The following NUP210L variants were observed in gnomAD, a reference collection of about 807,000 sequenced individuals.
The protein encoded by NUP210L is nucleoporin 210 like, also known as nuclear pore membrane glycoprotein 210-like.
NUP210L carries 74 observed loss-of-function variants against 208.5 expected under a neutral mutation model. That is an observed-to-expected ratio of 0.35 (90% confidence interval 0.29 to 0.43). The LOEUF is 0.43. NUP210L is among the 20% of genes least tolerant of loss of function. The pLI is 1.00. For synonymous variants in NUP210L, 780 were observed against 816.9 expected (o/e 0.95, Z 0.77); for missense variants, 1,843 against 2,289.4 (o/e 0.81, Z 3.98).
intron 1 of NUP210L, 93 bp downstream of exon 1, chr1:154,154,739 GCGGCCCCACA>G: frequency 1.1e-6 from 1 of 925,880 alleles, no homozygotes; most frequent in Non-Finnish European, 1.7e-6. Context: ...GCCCCTTCAC[GCGGCCCCACA>G]CGGTATTCCT....
chr1:154,066,641 T>C (rs1427876844), intron 17 of NUP210L, among the ~76,000 whole-genome samples: 1 of 151,890 alleles, frequency 6.6e-6, no homozygotes, highest in Admixed American at 6.6e-5. Flanking sequence ...AAAAAATCAA[T>C]GAATCCAGGA....
chr1:154,054,245 C>A (rs1255942274), exon 25 of NUP210L: 2 of 1,614,154 alleles, frequency 1.2e-6, no homozygotes, highest in East Asian at 4.5e-5. Context: ...AACACAATGA[C>A]TTTGCCAGTA....
chr1:154,132,094 ACTGTGCCCAT>A (rs1658291159), intron 7 of NUP210L, among the ~76,000 whole-genome samples: 1 of 152,232 alleles, frequency 6.6e-6, no homozygotes, highest in Admixed American at 6.5e-5. Context: ...GGCATGAGCC[ACTGTGCCCAT>A]CCTTGGTTTT....
At chr1:154,104,304 A>G (rs1656634856) in intron 12 of NUP210L, 94 bp from the exon 13 acceptor site, 2 of 926,490 alleles carry the variant, frequency 2.2e-6, no homozygotes, top group Admixed American at 3.7e-5. Flanking sequence ...CCCTCCAGTG[A>G]TTGTCCTCCC....
chr1:154,092,106 C>T (rs111849902), intron 15 of NUP210L, among the ~76,000 whole-genome samples: 43 of 138,874 alleles, frequency 3.1e-4, no homozygotes, highest in Non-Finnish European at 3.9e-4. Flanking sequence ...GACGGAGTCT[C>T]GCTCTGTCGC....
intron 31 of NUP210L, among the ~76,000 whole-genome samples, 154 bp from the exon 32 acceptor site, chr1:154,022,497 T>C (rs572909993): frequency 2.0e-5 from 3 of 151,584 alleles, no homozygotes; most frequent in Non-Finnish European, 4.4e-5. Context: ...CAAGGATCAG[T>C]CTATTACCTT....
chr1:154,068,774 A>G (rs1654542798), intron 17 of NUP210L, among the ~76,000 whole-genome samples: 2 of 150,708 alleles, frequency 1.3e-5, no homozygotes, highest in South Asian at 4.3e-4. Context: ...GAATTGAACA[A>G]TGAGAACACA....
chr1:154,000,551 T>A (rs1239488421), intron 37 of NUP210L, among the ~76,000 whole-genome samples: 1 of 152,244 alleles, frequency 6.6e-6, no homozygotes, highest in Non-Finnish European at 1.5e-5. Context: ...TTGATACCAG[T>A]TGATTTGATA....
rs1656629713 is a variant in NUP210L at position 154,104,222 on chromosome 1, A to T, written c.1621-12T>A. ...TTCAGGACATGTATCTGGAGGGGAAAAATTCATCTTTCAAGAAAGTTATGT... is the reference window on the plus strand; with the variant it reads ...TTCAGGACATGTATCTGGAGGGGAATAATTCATCTTTCAAGAAAGTTATGT... On this transcript the variant is annotated splice_polypyrimidine_tract_variant and intron_variant, in intron 12 of 39. Coordinates refer to ENST00000368559, the Ensembl canonical transcript of NUP210L. 1.2e-6 allele frequency: 2 copies of T among 1,609,348 alleles called. No homozygotes were observed. The highest frequency in any genetic ancestry group is 2.7e-5 in the African/African-American group (2 of 74,716).
At chr1:154,118,851 C>A in intron 10 of NUP210L, 43 bp from the exon 11 acceptor site, 9 of 1,268,600 alleles carry the variant, frequency 7.1e-6, no homozygotes, top group Non-Finnish European at 8.9e-6. Context: ...TTTATAAGGA[C>A]TATTCTTATA....
At chr1:154,060,419 A>G (rs1654074130) in intron 20 of NUP210L, 121 bp downstream of exon 20, 4 of 663,066 alleles carry the variant, frequency 6.0e-6, no homozygotes, top group Non-Finnish European at 1.0e-5. Context: ...ATATAGGTTA[A>G]AGAAAGAAAG....
At chr1:154,038,519 T>C (rs1443473798) in intron 27 of NUP210L, among the ~76,000 whole-genome samples, 1 of 151,768 alleles carries the variant, frequency 6.6e-6, no homozygotes, top group Admixed American at 6.6e-5. Flanking sequence ...ATTTTTGTAT[T>C]TTTTTAGTAG....
intron 17 of NUP210L, among the ~76,000 whole-genome samples, chr1:154,070,045 C>T (rs182167123): frequency 1.3e-5 from 2 of 152,154 alleles, no homozygotes; most frequent in East Asian, 3.9e-4. Context: ...ACACCAGGGC[C>T]TATCATGGGG....
chr1:154,125,831 G>C (rs1217611032), intron 10 of NUP210L, among the ~76,000 whole-genome samples: 2 of 130,144 alleles, frequency 1.5e-5, no homozygotes, highest in African/African-American at 5.6e-5. Context: ...GCAGTGGCGG[G>C]ATCTCGGCTC....
chr1:154,053,015 C>T (rs1040197803), intron 25 of NUP210L, among the ~76,000 whole-genome samples: 22 of 152,166 alleles, frequency 1.4e-4, no homozygotes, highest in Admixed American at 3.9e-4. Context: ...TGATATGGCC[C>T]GCTCTAGGGG....
intron 17 of NUP210L, among the ~76,000 whole-genome samples, chr1:154,067,614 G>T (rs1181003993): frequency 3.3e-5 from 5 of 152,234 alleles, no homozygotes; most frequent in Middle Eastern, 3.4e-3. Context: ...GCAAGAGAAA[G>T]AAATAAAGGA....
intron 17 of NUP210L, among the ~76,000 whole-genome samples, chr1:154,066,080 G>A (rs562151845): frequency 1.6e-4 from 24 of 152,108 alleles, no homozygotes; most frequent in African/African-American, 5.8e-4. Context: ...AAATCAATGA[G>A]AACAAAGACA....
At position 153,995,191 on chromosome 1, in the gene NUP210L, G is replaced by A. The variant is rs1373966517; in HGVS notation, c.5387-11C>T. 6.3e-7 allele frequency: 1 copy of A among 1,583,848 alleles called. No individual in the cohort carries two copies. The highest frequency in any genetic ancestry group is 8.6e-7 in the Non-Finnish European group (1 of 1,156,224). On this transcript the variant is annotated splice_polypyrimidine_tract_variant and intron_variant, in intron 37 of 39. Transcript: ENST00000368559. ...AATCTTCACAGTGATCTATACATTGGCCATAACAAAACAAGATAATAGTTA... is the reference window on the plus strand; with the variant it reads ...AATCTTCACAGTGATCTATACATTGACCATAACAAAACAAGATAATAGTTA...
At chr1:154,092,044 A>C (rs1435917199) in intron 15 of NUP210L, among the ~76,000 whole-genome samples, 1 of 150,924 alleles carries the variant, frequency 6.6e-6, no homozygotes, top group Non-Finnish European at 1.5e-5. Context: ...GTTGCCAGGG[A>C]CTGGGGTGAA....
Sources: gnomAD v4.1 joint callset for allele counts (sites outside exome capture counted in the v4.1 genomes callset) on GRCh38, gnomAD v4.1.1 for gene constraint, MANE v1.5 for transcripts, NCBI Gene and HGNC (gene_info 2026-07-23, HGNC 2026-07-21) for gene names.